Variants in NFIX observed in about 807,000 individuals in gnomAD.
NFIX encodes nuclear factor I X, also known as nuclear factor 1 X-type.
NFIX carries 2 observed loss-of-function variants against 53.3 expected under a neutral mutation model. The ratio of observed to expected loss-of-function variants is 0.04; its 90% CI spans 0.02 to 0.12. The LOEUF is 0.12. Among genes scored for constraint, NFIX ranks in the 10% least tolerant of loss-of-function variants. The pLI, the probability that NFIX is intolerant of heterozygous loss-of-function variation, is 1.00. For synonymous variants in NFIX, 244 were observed against 289.0 expected (o/e 0.84, Z 1.58); for missense variants, 310 against 674.5 (o/e 0.46, Z 5.99).
rs1267629063 is a variant in NFIX at position 13,088,539 on chromosome 19, C to T, written c.1402+403C>T. The stretch of plus-strand genomic sequence containing the variant: ...TTGTTTTTTAATTTTTTTGTTGTTT[C>T]GTTGTTCCCCCCACACCAAGAAAAT... On this transcript the variant is annotated intron_variant, in intron 9 of 10. Coordinates refer to ENST00000592199, the MANE Select transcript of NFIX (RefSeq NM_001365902.3). The surrounding 1 kb of genome is among the most constrained non-coding windows in gnomAD (Gnocchi z 5.9). Among the ~76,000 whole-genome samples, 12 of 146,238 alleles carry T rather than the reference C, an allele frequency of 8.2e-5. No homozygotes were observed. The highest frequency in any genetic ancestry group is 1.1e-4 in the Non-Finnish European group (7 of 66,342).
intron 2 of NFIX, among the ~76,000 whole-genome samples, chr19:13,054,766 C>G (rs2015543401): frequency 6.6e-6 from 1 of 152,014 alleles, no homozygotes; most frequent in Non-Finnish European, 1.5e-5. Context: ...AAATAGCAGA[C>G]CTGAGGAGGG....
intron 8 of NFIX, chr19:13,082,514 A>T (rs1167238471): frequency 6.6e-6 from 1 of 152,274 alleles, no homozygotes; most frequent in African/African-American, 2.4e-5. Context: ...GACTTTTAAC[A>T]AAGGGTTCCC....
Position 13,025,909 on chromosome 19 carries a change from C to T in NFIX, c.559+357C>T, listed in dbSNP as rs2013307023. ...GTTTGAGATGAACAACAACAGCAAA[C>T]CAGTAATTGCTCTTATTAAAATGAG... On this transcript the variant is annotated intron_variant, in intron 2 of 10. Coordinates refer to ENST00000592199, the MANE Select transcript of NFIX (RefSeq NM_001365902.3). The surrounding 1 kb of genome is among the most constrained non-coding windows in gnomAD (Gnocchi z 7.5). 6.6e-6 allele frequency among the ~76,000 whole-genome samples: 1 copy of T among 152,146 alleles called. No homozygotes were observed. Among genetic ancestry groups the T allele is most frequent in the Non-Finnish European group, 1.5e-5 (1 of 68,024 alleles).
Position 13,087,883 on chromosome 19 carries a change from C to T in NFIX, c.1255-106C>T. On this transcript the variant is annotated intron_variant, in intron 8 of 10. Coordinates refer to ENST00000592199, the MANE Select transcript of NFIX (RefSeq NM_001365902.3). ...GGAGAGGACCCAATCCTGGATCTTC[C>T]ACCGGGAGCGCCCGCTCTCAGGAGC... The T allele has an allele frequency of 2.9e-6, 4 of 1,361,654 alleles. No individual in the cohort carries two copies. The African/African-American group carries it at 4.3e-5, about 15-fold the overall frequency. The allele number at this position is 1,361,654 out of a possible 1,614,324, so 84.3% of individuals were successfully genotyped here.
chr19:13,073,275 C>T lies in NFIX; in HGVS notation c.623-147C>T. 3.3e-6 allele frequency: 3 copies of T among 905,026 alleles called. No individual in the cohort carries two copies. Among genetic ancestry groups the T allele is most frequent in the East Asian group, 4.9e-5 (2 of 40,976 alleles). The allele number at this position is 905,026 out of a possible 1,614,324, so 56.1% of individuals were successfully genotyped here. A position where few individuals can be genotyped will look rare whatever the true frequency, so the allele number is the denominator to read the frequency against. Reference sequence around the variant, plus strand: ...GGGATGGGGGCACACCTAGAGGATCCCCCCTGTTCGGTGTAGACCTGAGGG... The same window carrying T: ...GGGATGGGGGCACACCTAGAGGATCTCCCCTGTTCGGTGTAGACCTGAGGG... On this transcript the variant is annotated intron_variant, in intron 3 of 10. Coordinates refer to ENST00000592199, the MANE Select transcript of NFIX (RefSeq NM_001365902.3). This position sits in a 1 kb window ranked among gnomAD's most constrained non-coding sequence, Gnocchi z 4.5.
intron 2 of NFIX, among the ~76,000 whole-genome samples, chr19:13,026,033 C>A (rs541961695): frequency 6.6e-6 from 1 of 151,996 alleles, no homozygotes; most frequent in Admixed American, 6.6e-5. Context: ...GGCAGGAGTC[C>A]GGTGGAGAGA....
In NFIX at chr19:13,096,049, C is replaced by T. The variant is rs997378044; in HGVS notation, c.*1400C>T. 3 of 152,398 alleles carry T rather than the reference C, an allele frequency of 2.0e-5. No individual in the cohort carries two copies. The highest frequency in any genetic ancestry group is 2.1e-4 in the South Asian group (1 of 4,834). The allele number at this position is 152,398 out of a possible 1,614,324, so 9.4% of individuals were successfully genotyped here. ...CTCAAGGGAGGGTTGGGGGGCCTGTCCAGAGGGTCTTCAGAAGCCCCCCTG... is the reference window on the plus strand; with the variant it reads ...CTCAAGGGAGGGTTGGGGGGCCTGTTCAGAGGGTCTTCAGAAGCCCCCCTG... On this transcript the variant is annotated 3_prime_UTR_variant, in exon 11 of 11. Coordinates refer to ENST00000592199, the MANE Select transcript of NFIX (RefSeq NM_001365902.3).
chr19:13,033,237 G>A (rs1338839304), intron 2 of NFIX, among the ~76,000 whole-genome samples: 2 of 152,216 alleles, frequency 1.3e-5, no homozygotes, highest in African/African-American at 4.8e-5. Context: ...TTAGAATAGG[G>A]TCCCAGGAGG....
Position 13,005,903 on chromosome 19 carries a change from A to C in NFIX, c.27+10039A>C, listed in dbSNP as rs1414776189. On this transcript the variant is annotated intron_variant, in intron 1 of 10. Transcript: ENST00000592199. The surrounding 1 kb of genome is among the most constrained non-coding windows in gnomAD (Gnocchi z 4.7). The stretch of plus-strand genomic sequence containing the variant: ...TGGCCAGGCTTGCCCTCACCCCCGC[A>C]GGTCCAAACATCCTCTCCCACACCT... 6.6e-6 allele frequency among the ~76,000 whole-genome samples: 1 copy of C among 152,162 alleles called. No individual in the cohort carries two copies. The highest frequency in any genetic ancestry group is 1.5e-5 in the Non-Finnish European group (1 of 68,028).
In NFIX at chr19:13,013,373, C is replaced by T. The variant is rs146732059; in HGVS notation, c.28-11648C>T. Among the ~76,000 whole-genome samples, 665 of 152,336 alleles carry T rather than the reference C, an allele frequency of 4.4e-3. 3 individuals carry two copies. Among genetic ancestry groups the T allele is most frequent in the African/African-American group, 0.014 (586 of 41,568 alleles). On this transcript the variant is annotated intron_variant, in intron 1 of 10. Transcript: ENST00000592199. The surrounding 1 kb of genome is among the most constrained non-coding windows in gnomAD (Gnocchi z 5.9). ...GCATTCAGAGAAAGCCGCCCGTCCC[C>T]AGTCCCCTCGGAAGCCGGTCATAAA...
intron 1 of NFIX, among the ~76,000 whole-genome samples, chr19:13,003,105 G>A (rs1480361644): frequency 6.6e-6 from 1 of 152,046 alleles, no homozygotes; most frequent in Non-Finnish European, 1.5e-5. Context: ...GGGAGTTGGG[G>A]GGGGGTTTAT....
chr19:13,086,750 C>G (rs1364839212), intron 8 of NFIX, among the ~76,000 whole-genome samples: 3 of 152,200 alleles, frequency 2.0e-5, no homozygotes, highest in Non-Finnish European at 4.4e-5. Context: ...AACTAAAGCA[C>G]CTGGTCCAGG....
intron 2 of NFIX, among the ~76,000 whole-genome samples, chr19:13,057,636 C>T (rs1242799741): frequency 7.2e-5 from 11 of 152,200 alleles, no homozygotes; most frequent in Non-Finnish European, 2.9e-5. Context: ...CCACTAGTGT[C>T]TCAGAGTCCT....
At position 13,068,026 on chromosome 19, in the gene NFIX, AC is replaced by A. The variant is rs2016531358; in HGVS notation, c.560-5018del. Among the ~76,000 whole-genome samples the A allele has an allele frequency of 6.6e-6, 1 of 151,866 alleles. No individual in the cohort carries two copies. The highest frequency in any genetic ancestry group is 2.1e-4 in the South Asian group (1 of 4,790). ...AGGCTGAGGCAGGAGAATGGCGTGA[AC>A]CCAGGAGGTGGGGCTTGCAGTGAGC... On this transcript the variant is annotated intron_variant, in intron 2 of 10. Coordinates refer to ENST00000592199, the MANE Select transcript of NFIX (RefSeq NM_001365902.3). The surrounding 1 kb of genome is among the most constrained non-coding windows in gnomAD (Gnocchi z 4.2).
intron 1 of NFIX, among the ~76,000 whole-genome samples, chr19:13,010,217 C>T (rs1475396096): frequency 2.0e-5 from 3 of 152,208 alleles, no homozygotes; most frequent in African/African-American, 4.8e-5. Context: ...GGCCCTGCCC[C>T]ATGGCCCGCT....
intron 1 of NFIX, among the ~76,000 whole-genome samples, chr19:13,003,468 G>C (rs993352055): frequency 1.3e-5 from 2 of 152,042 alleles, no homozygotes; most frequent in Admixed American, 6.5e-5. Context: ...CAGTCATAAT[G>C]TCAGTGCCCA....
At position 13,022,601 on chromosome 19, in the gene NFIX, A is replaced by G. The variant is rs2013000430; in HGVS notation, c.28-2420A>G. 6.6e-6 allele frequency among the ~76,000 whole-genome samples: 1 copy of G among 152,070 alleles called. No individual in the cohort carries two copies. The highest frequency in any genetic ancestry group is 1.5e-5 in the Non-Finnish European group (1 of 67,974). On this transcript the variant is annotated intron_variant, in intron 1 of 10. Transcript: ENST00000592199. This position sits in a 1 kb window ranked among gnomAD's most constrained non-coding sequence, Gnocchi z 4.5. The stretch of plus-strand genomic sequence containing the variant: ...CTGTGTGCTCCATAGGAAGAAAAAA[A>G]AAAAGAAAGAAAGAAATAGAAACAG...
At chr19:13,086,586 G>A (rs1405981839) in intron 8 of NFIX, among the ~76,000 whole-genome samples, 1 of 152,128 alleles carries the variant, frequency 6.6e-6, no homozygotes, top group East Asian at 1.9e-4. Context: ...GCAGGATGTC[G>A]AGGAGCATCC....
rs912775032 is a variant in NFIX, at chr19:13,060,335, T to C, written c.560-12712T>C. 1.3e-5 allele frequency among the ~76,000 whole-genome samples: 2 copies of C among 152,186 alleles called. No homozygotes were observed. The highest frequency in any genetic ancestry group is 1.3e-4 in the Admixed American group (2 of 15,278). On this transcript the variant is annotated intron_variant, in intron 2 of 10. Coordinates refer to ENST00000592199, the MANE Select transcript of NFIX (RefSeq NM_001365902.3). The surrounding 1 kb of genome is among the most constrained non-coding windows in gnomAD (Gnocchi z 4.3). ...TTCCTGGCCCAGAGCCTGAGGCCATTGGAAAGGGCCTATATCTGGAACGGG... is the reference window on the plus strand; with the variant it reads ...TTCCTGGCCCAGAGCCTGAGGCCATCGGAAAGGGCCTATATCTGGAACGGG...
Sources: allele counts gnomAD v4.1 joint callset (sites outside exome capture counted in the v4.1 genomes callset), GRCh38; gene constraint gnomAD v4.1.1; non-coding constraint Gnocchi (gnomAD v3.1); transcripts MANE v1.5; gene names NCBI Gene and HGNC (gene_info 2026-07-23, HGNC 2026-07-21).